Variants in PNPLA8 observed in about 807,000 individuals in gnomAD.
PNPLA8 encodes patatin like domain 8, phospholipase A2.
In PNPLA8, 39 loss-of-function variants were observed where a neutral mutation model predicts 76.9. That is an observed-to-expected ratio of 0.51 (90% CI 0.39 to 0.66). PNPLA8 has a LOEUF of 0.66. Ranked by LOEUF, PNPLA8 falls within the 30% of genes least tolerant of loss-of-function variation. PNPLA8 has a pLI of 0.00. For synonymous variants in PNPLA8, 301 were observed against 307.9 expected (o/e 0.98, Z 0.24); for missense variants, 887 against 918.0 (o/e 0.97, Z 0.44).
At chr7:108,497,381 G>A (rs1861621478) in intron 6 of PNPLA8, 102 bp downstream of exon 6, 2 of 753,120 alleles carry the variant, frequency 2.7e-6, no homozygotes, top group Non-Finnish European at 4.2e-6. Context: ...TATGGAGAGA[G>A]GGCTGAAGAA....
At chr7:108,523,977 T>C (rs1456598059) in intron 1 of PNPLA8, among the ~76,000 whole-genome samples, 1 of 152,186 alleles carries the variant, frequency 6.6e-6, no homozygotes, top group East Asian at 1.9e-4. Flanking sequence ...AGAGTGCCAT[T>C]TGCGAATATG....
intron 9 of PNPLA8, among the ~76,000 whole-genome samples, chr7:108,484,694 T>A (rs1860620634): frequency 6.6e-6 from 1 of 152,200 alleles, no homozygotes; most frequent in Non-Finnish European, 1.5e-5. Context: ...ACAGAATAAA[T>A]CACCTCTATA....
intron 4 of PNPLA8, among the ~76,000 whole-genome samples, chr7:108,505,955 TC>T (rs1397900217): frequency 6.6e-6 from 1 of 152,136 alleles, no homozygotes; most frequent in Non-Finnish European, 1.5e-5. Context: ...AATAGGTACT[TC>T]ACAAGGAAGT....
intron 9 of PNPLA8, among the ~76,000 whole-genome samples, chr7:108,484,198 A>G (rs1010751487): frequency 7.2e-5 from 11 of 152,190 alleles, no homozygotes; most frequent in African/African-American, 2.2e-4. Flanking sequence ...CTGTTCCTTC[A>G]ACTTTACTCA....
Position 108,471,091 on chromosome 7 carries a change from T to C in PNPLA8, c.*1310A>G, listed in dbSNP as rs1436167529. 6.6e-6 allele frequency: 1 copy of C among 152,096 alleles called. No homozygotes were observed. The highest frequency in any genetic ancestry group is 1.5e-5 in the Non-Finnish European group (1 of 68,016). 9.4% of individuals were successfully genotyped at this position (152,096 alleles called of 1,614,324 possible). A position where few individuals can be genotyped will look rare whatever the true frequency, so the allele number is the denominator to read the frequency against. ...TCCATGTAAGGATTTATGTGACAAA[T>C]AGATACAATAAAGATGAGTTTGTTT... On this transcript the variant is annotated 3_prime_UTR_variant, in exon 11 of 11. Coordinates refer to ENST00000257694, the MANE Select transcript of PNPLA8 (RefSeq NM_001256007.3).
intron 8 of PNPLA8, among the ~76,000 whole-genome samples, chr7:108,490,653 G>A (rs573424119): frequency 4.3e-4 from 65 of 152,014 alleles, no homozygotes; most frequent in African/African-American, 1.5e-3. Context: ...GCGTGGTGGC[G>A]GCTGCCTATA....
chr7:108,473,406 T>C (rs543085093), intron 10 of PNPLA8, among the ~76,000 whole-genome samples: 4 of 152,294 alleles, frequency 2.6e-5, no homozygotes, highest in Admixed American at 2.0e-4. Context: ...GTGCATATGA[T>C]TGCATTTCCC....
At chr7:108,508,995 C>G (rs1222555463) in intron 4 of PNPLA8, among the ~76,000 whole-genome samples, 4 of 121,626 alleles carry the variant, frequency 3.3e-5, no homozygotes, top group Non-Finnish European at 6.9e-5. Flanking sequence ...GAAACTGGAT[C>G]CCTTCCTTAC....
At chr7:108,502,442 C>CA (rs369261888) in intron 5 of PNPLA8, 49 bp downstream of exon 5, 12,523 of 623,396 alleles carry the variant, frequency 0.02, 127 homozygotes, top group South Asian at 0.045. Context: ...AACTCCATCT[C>CA]AAAAAAAAAA....
chr7:108,510,697 G>C lies in PNPLA8; in HGVS notation c.1206+3447C>G. 5.6e-6 allele frequency: 9 copies of C among 1,599,900 alleles called. No homozygotes were observed. The South Asian group carries it at 9.9e-5, about 18-fold the overall frequency. On this transcript the variant is annotated intron_variant, in intron 4 of 10. Transcript: ENST00000257694. ...AGTCAGTAAATGAACTAATCTACAA[G>C]AGTGGTTATGGCAAAATCAATAAGA...
At position 108,515,302 on chromosome 7, in the gene PNPLA8, C is replaced by G. The variant is rs1291541286; in HGVS notation, c.190G>C (p.Ala64Pro). The change falls in exon 3 of 11, where the codon GCA becomes CCA. Residue 64 changes from alanine to proline, a missense_variant. Ala to Pro is a conservative substitution (Grantham distance 27). Coordinates refer to ENST00000257694, the MANE Select transcript of PNPLA8 (RefSeq NM_001256007.3). Reference protein sequence around the residue: ...IIRCKWTKSEAHSCSKHCYSP... With the variant: ...IIRCKWTKSEPHSCSKHCYSP... ...TAACAGTGCTTACTGCAAGAATGTG[C>G]TTCACTTTTGGTCCATTTACATCTT... is the stretch of plus-strand genomic sequence containing the variant. 3.7e-6 allele frequency: 6 copies of G among 1,610,852 alleles called. No homozygotes were observed. Among genetic ancestry groups the G allele is most frequent in the Non-Finnish European group, 5.1e-6 (6 of 1,178,944 alleles).
At chr7:108,500,362 C>T (rs552039049) in intron 5 of PNPLA8, among the ~76,000 whole-genome samples, 1 of 152,306 alleles carries the variant, frequency 6.6e-6, no homozygotes, top group South Asian at 2.1e-4. Flanking sequence ...GAATGACATA[C>T]ACTTTCTTAA....
At position 108,515,165 on chromosome 7, in the gene PNPLA8, G is replaced by A. The variant is rs895466672; in HGVS notation, c.327C>T (p.Asn109=). ...TGCCAAAAACAGCCTTTGAAACAGA[G>A]TTCAAAGTACTTTTAATACGGGACA... is the stretch of plus-strand genomic sequence containing the variant. ...ICMSRIKSTL[N]SVSKAVFGNQ... is the part of the protein sequence containing the mutation. Residue 109 remains asparagine (N), a synonymous_variant, in exon 3 of 11, where the codon AAC becomes AAT. Transcript: ENST00000257694. The A allele has an allele frequency of 2.5e-6, 4 of 1,607,354 alleles. No homozygotes were observed. Among genetic ancestry groups the A allele is most frequent in the Admixed American group, 1.7e-5 (1 of 59,182 alleles).
At chr7:108,493,143 T>G (rs1563950665) in intron 7 of PNPLA8, among the ~76,000 whole-genome samples, 1 of 152,184 alleles carries the variant, frequency 6.6e-6, no homozygotes, top group South Asian at 2.1e-4. Flanking sequence ...AGTGGCTTGT[T>G]CTGCAGCAAA....
At chr7:108,494,836 G>C (rs552013775) in intron 7 of PNPLA8, among the ~76,000 whole-genome samples, 4 of 152,246 alleles carry the variant, frequency 2.6e-5, no homozygotes, top group Admixed American at 1.3e-4. Flanking sequence ...AAAATTATTA[G>C]CACTTTTTCA....
At chr7:108,500,091 CTG>C (rs1220358032) in intron 5 of PNPLA8, among the ~76,000 whole-genome samples, 1 of 152,126 alleles carries the variant, frequency 6.6e-6, no homozygotes, top group East Asian at 1.9e-4. Context: ...AATGCAAACA[CTG>C]TATTGTTTTG....
chr7:108,518,093 A>C (rs1257302381), intron 2 of PNPLA8: 2 of 152,318 alleles, frequency 1.3e-5, no homozygotes, highest in African/African-American at 4.8e-5. Flanking sequence ...ACATGGTAGA[A>C]GGTACTAACT....
intron 9 of PNPLA8, among the ~76,000 whole-genome samples, chr7:108,482,732 C>T (rs1192833046): frequency 6.6e-6 from 1 of 152,086 alleles, no homozygotes; most frequent in East Asian, 1.9e-4. Flanking sequence ...TATGTTTTGT[C>T]AGATTTATAT....
chr7:108,526,536 C>T (rs1246140951), upstream of PNPLA8, among the ~76,000 whole-genome samples: 2 of 152,218 alleles, frequency 1.3e-5, no homozygotes, highest in Admixed American at 6.5e-5. Flanking sequence ...AGATAAGCCT[C>T]CCTCTCCGCG....
Sources: gnomAD v4.1 joint callset for allele counts (sites outside exome capture counted in the v4.1 genomes callset) on GRCh38, gnomAD v4.1.1 for gene constraint, MANE v1.5 for transcripts, NCBI Gene and HGNC (gene_info 2026-07-23, HGNC 2026-07-21) for gene names.